Variants in KIAA1217 observed in about 807,000 individuals in gnomAD.
KIAA1217 encodes the protein KIAA1217.
In KIAA1217, 88 loss-of-function variants were observed where a neutral mutation model predicts 163.9. The observed-to-expected ratio is 0.54, with a 90% CI of 0.45 to 0.64. The LOEUF (loss-of-function observed/expected upper bound fraction) is 0.64. Ranked by LOEUF, KIAA1217 falls within the 30% of genes least tolerant of loss-of-function variation. KIAA1217 has a pLI of 0.00. For synonymous variants in KIAA1217, 903 were observed against 923.1 expected, an observed-to-expected ratio of 0.98 and a Z score of 0.39; for missense variants, 2,372 against 2,475.0, an observed-to-expected ratio of 0.96 and a Z score of 0.88.
intron 2 of KIAA1217, among the ~76,000 whole-genome samples, chr10:24,166,302 A>G (rs966545023): frequency 6.6e-6 from 1 of 152,196 alleles, no homozygotes; most frequent in Non-Finnish European, 1.5e-5. Flanking sequence ...AAACTAGATT[A>G]AAAGAAAATG....
At chr10:24,220,144 A>G (rs180740173) in intron 2 of KIAA1217, among the ~76,000 whole-genome samples, 16 of 152,244 alleles carry the variant, frequency 1.1e-4, no homozygotes, top group Admixed American at 9.2e-4. Context: ...CAGGCCAGAG[A>G]GGAAGGGCCT....
intron 8 of KIAA1217, among the ~76,000 whole-genome samples, chr10:24,498,610 G>A (rs1454352028): frequency 2.6e-5 from 4 of 152,116 alleles, no homozygotes; most frequent in South Asian, 2.1e-4. Context: ...CTTGAGGCCA[G>A]GAGTTCAAGA....
intron 2 of KIAA1217, among the ~76,000 whole-genome samples, chr10:24,280,793 GAGCGAGACT>G (rs1185580551): frequency 7.1e-6 from 1 of 141,766 alleles, no homozygotes; most frequent in Non-Finnish European, 1.5e-5. Context: ...CTGGGCAACA[GAGCGAGACT>G]CCGTCTCAAA....
chr10:24,527,872 C>T, intron 13 of KIAA1217, 64 bp from the exon 14 acceptor site: 1 of 1,292,128 alleles, frequency 7.7e-7, no homozygotes, highest in Non-Finnish European at 1.1e-6. Flanking sequence ...TCTGAGAGGT[C>T]CCAGTGTCCG....
chr10:24,076,059 G>A (rs990315821), intron 2 of KIAA1217, among the ~76,000 whole-genome samples: 11 of 152,168 alleles, frequency 7.2e-5, no homozygotes, highest in African/African-American at 2.4e-4. Context: ...AATCACTTGG[G>A]GGGAGTAGGG....
At chr10:24,508,371 G>A (rs1037626692) in intron 9 of KIAA1217, among the ~76,000 whole-genome samples, 3 of 152,168 alleles carry the variant, frequency 2.0e-5, no homozygotes, top group Admixed American at 6.5e-5. Flanking sequence ...GTTTGTGAAT[G>A]ACCTACAGAA....
At chr10:23,918,733 T>TATATACACACACACACACACACAC (rs769797460) in intron 1 of KIAA1217, among the ~76,000 whole-genome samples, 12 of 147,584 alleles carry the variant, frequency 8.1e-5, no homozygotes, top group African/African-American at 3.0e-4. Context: ...ATTAAATATA[T>TATATACACACACACACACACACAC]ACACACACAC....
At chr10:24,452,349 G>T (rs940433071) in intron 5 of KIAA1217, among the ~76,000 whole-genome samples, 1 of 151,886 alleles carries the variant, frequency 6.6e-6, no homozygotes. Context: ...TTTAAAAGAC[G>T]GTTAATGGTA....
At chr10:24,098,003 A>G (rs1276346877) in intron 2 of KIAA1217, among the ~76,000 whole-genome samples, 1 of 152,010 alleles carries the variant, frequency 6.6e-6, no homozygotes, top group Non-Finnish European at 1.5e-5. Flanking sequence ...TTCTGCTTGC[A>G]TGCCCTGGAG....
rs1365620287 is a variant in KIAA1217 at position 24,513,353 on chromosome 10, C to T, written c.2096C>T (p.Pro699Leu). 2 of 1,613,988 alleles carry T rather than the reference C, an allele frequency of 1.2e-6. No homozygotes were observed. The highest frequency in any genetic ancestry group is 1.3e-5 in the African/African-American group (1 of 74,906). The change falls in exon 10 of 21, where the codon CCC becomes CTC. Residue 699 changes from proline to leucine, a missense_variant. Physicochemically the swap from Pro to Leu is moderately conservative, Grantham distance 98. Coordinates refer to ENST00000376454, the MANE Select transcript of KIAA1217 (RefSeq NM_019590.5). ...VMETMKRLEDPVQRQRVLVEQ... is the reference protein window; with the variant it reads ...VMETMKRLEDLVQRQRVLVEQ... ...GAAACAATGAAGAGACTGGAGGATCCCGTGCAGCGACAGCGCGTCCTAGTG... is the reference window on the plus strand; with the variant it reads ...GAAACAATGAAGAGACTGGAGGATCTCGTGCAGCGACAGCGCGTCCTAGTG...
chr10:23,778,424 C>G (rs1835101311), intron 1 of KIAA1217, among the ~76,000 whole-genome samples: 1 of 152,126 alleles, frequency 6.6e-6, no homozygotes, highest in Non-Finnish European at 1.5e-5. Flanking sequence ...CAAAATTTTG[C>G]ATTTTTGCTA....
chr10:24,014,011 T>A (rs1847364696), intron 2 of KIAA1217, among the ~76,000 whole-genome samples: 1 of 152,124 alleles, frequency 6.6e-6, no homozygotes, highest in South Asian at 2.1e-4. Context: ...AAAATTAATG[T>A]GTGTACAATG....
chr10:24,261,124 A>G (rs1310711258), intron 2 of KIAA1217, among the ~76,000 whole-genome samples: 3 of 151,598 alleles, frequency 2.0e-5, no homozygotes, highest in Non-Finnish European at 4.4e-5. Flanking sequence ...CCTTCTCCAA[A>G]TGATGGCTCT....
intron 2 of KIAA1217, among the ~76,000 whole-genome samples, chr10:24,361,081 G>A (rs1367354588): frequency 6.6e-6 from 1 of 152,028 alleles, no homozygotes; most frequent in African/African-American, 2.4e-5. Flanking sequence ...TAGAATACTT[G>A]TGTTAATATT....
In KIAA1217 at chr10:24,513,420, C is replaced by T. The variant is rs774010456; in HGVS notation, c.2163C>T (p.Ile721=). 2.6e-5 allele frequency: 42 copies of T among 1,613,936 alleles called. No homozygotes were observed. The highest frequency in any genetic ancestry group is 1.6e-4 in the Middle Eastern group (1 of 6,082). The part of the protein sequence containing the change: ...RQKYLHEEEK[I]VKKLCELEDF... ...AATATCTTCATGAGGAAGAGAAGAT[C>T]GTCAAGAAGTTGTGGTGAGTGCCAG... Residue 721 remains isoleucine, a synonymous_variant, in exon 10 of 21, where the codon ATC becomes ATT. Coordinates refer to ENST00000376454, the MANE Select transcript of KIAA1217 (RefSeq NM_019590.5).
At chr10:23,986,948 G>A (rs1230893411) in intron 1 of KIAA1217, among the ~76,000 whole-genome samples, 1 of 152,034 alleles carries the variant, frequency 6.6e-6, no homozygotes, top group South Asian at 2.1e-4. Flanking sequence ...TGAGTGCCCT[G>A]AGAAATTGTC....
intron 1 of KIAA1217, among the ~76,000 whole-genome samples, chr10:24,000,833 C>T (rs1414861580): frequency 6.6e-6 from 1 of 152,210 alleles, no homozygotes; most frequent in Non-Finnish European, 1.5e-5. Context: ...CACTGCTCGC[C>T]CTCCGTGGGC....
chr10:24,405,981 G>A (rs940616036), intron 3 of KIAA1217, among the ~76,000 whole-genome samples: 2 of 152,142 alleles, frequency 1.3e-5, no homozygotes, highest in South Asian at 2.1e-4. Flanking sequence ...CAAACTATGG[G>A]CACAACAGAA....
chr10:24,424,455 C>T (rs531596325), intron 3 of KIAA1217, among the ~76,000 whole-genome samples: 2 of 152,276 alleles, frequency 1.3e-5, no homozygotes, highest in East Asian at 3.9e-4. Flanking sequence ...TTTTTGATTG[C>T]TTTTGTACTC....
Sources: allele counts gnomAD v4.1 joint callset (sites outside exome capture counted in the v4.1 genomes callset), GRCh38; gene constraint gnomAD v4.1.1; transcripts MANE v1.5; gene names NCBI Gene and HGNC (gene_info 2026-07-23, HGNC 2026-07-21).